The following RSPO4 variants were observed in gnomAD, a reference collection of about 807,000 sequenced individuals.
The protein encoded by RSPO4 is R-spondin-4.
A neutral mutation model predicts 24.8 loss-of-function variants in RSPO4; 23 were observed. That is an observed-to-expected ratio of 0.93 (90% CI 0.67 to 1.31). RSPO4 has a LOEUF of 1.31. RSPO4 is among the 40% of genes most tolerant of loss of function. The pLI, the probability that RSPO4 is intolerant of heterozygous loss-of-function variation, is 0.00. For synonymous variants in RSPO4, 141 were observed against 127.4 expected, an observed-to-expected ratio of 1.11 and a Z score of -0.72; for missense variants, 333 against 316.5, an observed-to-expected ratio of 1.05 and a Z score of -0.39.
At position 981,441 on chromosome 20, in the gene RSPO4, C is replaced by T. The variant is rs1241116095; in HGVS notation, c.80-13303G>A. Among the ~76,000 whole-genome samples the T allele has an allele frequency of 6.6e-6, 1 of 152,208 alleles. No homozygotes were observed. Among genetic ancestry groups the T allele is most frequent in the Non-Finnish European group, 1.5e-5 (1 of 68,038 alleles). ...TCAGGTGGCTGAGGCATGAGAAACG[C>T]TTGAATCCAGGATGCGGAGGTTGCA... On this transcript the variant is annotated intron_variant, in intron 1 of 4. Coordinates refer to ENST00000217260, the MANE Select transcript of RSPO4 (RefSeq NM_001029871.4). This position sits in a 1 kb window ranked among gnomAD's most constrained non-coding sequence, Gnocchi z 4.6.
Position 960,427 on chromosome 20 carries a change from C to A in RSPO4, c.635G>T (p.Arg212Leu), listed in dbSNP as rs765335066. 1 of 1,539,740 alleles carries A rather than the reference C, an allele frequency of 6.5e-7. No individual in the cohort carries two copies. Among genetic ancestry groups the A allele is most frequent in the East Asian group, 2.4e-5 (1 of 41,014 alleles). Residue 212 changes from arginine to leucine, a missense_variant, in exon 5 of 5, where the codon CGC (arginine) becomes CTC (leucine). Physicochemically the swap from Arg to Leu is moderately radical, Grantham distance 102. Transcript: ENST00000217260. Reference protein sequence around the residue: ...PGQKKGRKDRRPRKDRKLDRR... With the variant: ...PGQKKGRKDRLPRKDRKLDRR... ...GTCCAGCTTCCTGTCCTTGCGTGGG[C>A]GCCGGTCCTTCCTGCCCTTCTTCTG...
chr20:992,610 T>C (rs770609826), intron 1 of RSPO4, among the ~76,000 whole-genome samples: 15 of 152,090 alleles, frequency 9.9e-5, no homozygotes, highest in Non-Finnish European at 1.9e-4. Context: ...TGCATAGTCA[T>C]CTTGAAAACC....
chr20:960,487 C>G, intron 4 of RSPO4, 21 bp from the exon 5 acceptor site: 1 of 1,524,622 alleles, frequency 6.6e-7, no homozygotes, highest in Non-Finnish European at 8.8e-7. Flanking sequence ...AGGACAGAGC[C>G]CGGTGACCAA....
chr20:971,575 C>T (rs2223962), intron 1 of RSPO4, among the ~76,000 whole-genome samples: 22,371 of 152,172 alleles, frequency 0.15, 3,014 homozygotes, highest in African/African-American at 0.35. Context: ...ATTGTGGGCA[C>T]AGCTCAAAGA....
At position 960,143 on chromosome 20, in the gene RSPO4, G is replaced by T; in HGVS notation, c.*214C>A. 1.7e-6 allele frequency: 1 copy of T among 584,890 alleles called. No individual in the cohort carries two copies. The highest frequency in any genetic ancestry group is 3.0e-6 in the Non-Finnish European group (1 of 328,666). The allele number at this position is 584,890 out of a possible 1,614,324, so 36.2% of individuals were successfully genotyped here. ...AGGAAGGAAGGGAAGGAGGGAGGGA[G>T]AAAGGAGAGGAGAATGGAGGTGGAA... is the stretch of plus-strand genomic sequence containing the variant. On this transcript the variant is annotated 3_prime_UTR_variant, in exon 5 of 5. Transcript: ENST00000217260.
intron 1 of RSPO4, among the ~76,000 whole-genome samples, chr20:993,483 C>A (rs7270616): frequency 5.3e-5 from 8 of 152,150 alleles, no homozygotes; most frequent in Non-Finnish European, 1.2e-4. Flanking sequence ...GACCTGGGAG[C>A]ACATCACGAC....
At chr20:983,527 C>T (rs1431264141) in intron 1 of RSPO4, among the ~76,000 whole-genome samples, 1 of 152,166 alleles carries the variant, frequency 6.6e-6, no homozygotes, top group African/African-American at 2.4e-5. Context: ...CTTGGATACC[C>T]CCTAAGGAAC....
intron 4 of RSPO4, among the ~76,000 whole-genome samples, chr20:961,142 T>G (rs1209230274): frequency 6.6e-6 from 1 of 152,196 alleles, no homozygotes; most frequent in Non-Finnish European, 1.5e-5. Flanking sequence ...ACTCTGGCTG[T>G]GCCCGCTGCC....
intron 1 of RSPO4, among the ~76,000 whole-genome samples, chr20:974,534 G>A (rs1984503580): frequency 6.6e-6 from 1 of 152,234 alleles, no homozygotes; most frequent in South Asian, 2.1e-4. Flanking sequence ...TATCCACCCA[G>A]ATGCACTTAA....
chr20:990,285 A>T (rs753601825), intron 1 of RSPO4, among the ~76,000 whole-genome samples: 3 of 152,188 alleles, frequency 2.0e-5, no homozygotes, highest in Non-Finnish European at 2.9e-5. Flanking sequence ...GACAGGAGTT[A>T]TATCAGCCAA....
At chr20:964,743 C>CAT (rs200525511) in intron 3 of RSPO4, among the ~76,000 whole-genome samples, 6 of 147,150 alleles carry the variant, frequency 4.1e-5, no homozygotes, top group Admixed American at 1.4e-4. Context: ...CACACACACA[C>CAT]ATATATATAC....
intron 1 of RSPO4, among the ~76,000 whole-genome samples, chr20:1,001,212 G>T (rs1985452265): frequency 6.6e-6 from 1 of 152,206 alleles, no homozygotes; most frequent in African/African-American, 2.4e-5. Flanking sequence ...GCATTCGGCT[G>T]CTGATCTTAA....
chr20:962,617 A>C (rs1210879208), intron 4 of RSPO4, among the ~76,000 whole-genome samples: 1 of 151,812 alleles, frequency 6.6e-6, no homozygotes, highest in African/African-American at 2.4e-5. Context: ...CTCTGTCCTC[A>C]CCTGCCCAAC....
chr20:992,602 C>G (rs1160858666), intron 1 of RSPO4, among the ~76,000 whole-genome samples: 1 of 152,124 alleles, frequency 6.6e-6, no homozygotes, highest in Non-Finnish European at 1.5e-5. Flanking sequence ...GCGTCACATG[C>G]ATAGTCATCT....
chr20:986,581 T>C (rs1984928844), intron 1 of RSPO4, among the ~76,000 whole-genome samples: 1 of 145,000 alleles, frequency 6.9e-6, no homozygotes, highest in Non-Finnish European at 1.5e-5. Flanking sequence ...TAGCTGAAAG[T>C]TACCAGAAAG....
At chr20:973,076 G>A (rs1359378690) in intron 1 of RSPO4, among the ~76,000 whole-genome samples, 1 of 152,210 alleles carries the variant, frequency 6.6e-6, no homozygotes, top group Non-Finnish European at 1.5e-5. Flanking sequence ...ACACAGAATT[G>A]GCAGGGGTGG....
chr20:988,797 C>T (rs1223614966), intron 1 of RSPO4, among the ~76,000 whole-genome samples: 1 of 152,068 alleles, frequency 6.6e-6, no homozygotes, highest in Non-Finnish European at 1.5e-5. Context: ...GTGATCCACC[C>T]GACTCAGCCT....
intron 1 of RSPO4, among the ~76,000 whole-genome samples, chr20:1,000,579 A>G (rs1359892450): frequency 1.3e-5 from 2 of 152,188 alleles, no homozygotes; most frequent in East Asian, 3.8e-4. Flanking sequence ...AGAATGGAGA[A>G]AGATCTCAGA....
chr20:965,276 C>T (rs1002597154), intron 3 of RSPO4, among the ~76,000 whole-genome samples: 1 of 152,038 alleles, frequency 6.6e-6, no homozygotes, highest in African/African-American at 2.4e-5. Context: ...GGAAGGGGAG[C>T]CTAGCCAGGC....
Sources: gnomAD v4.1 joint callset for allele counts (sites outside exome capture counted in the v4.1 genomes callset) on GRCh38, gnomAD v4.1.1 for gene constraint, Gnocchi (gnomAD v3.1) non-coding constraint, MANE v1.5 for transcripts, NCBI Gene and HGNC (gene_info 2026-07-23, HGNC 2026-07-21) for gene names.